Variants in CD300C observed in about 807,000 individuals in gnomAD.
CD300C encodes CD300c molecule, also known as CMRF35-like molecule 6.
CD300C carries 11 observed loss-of-function variants against 18.4 expected under a neutral mutation model. The ratio of observed to expected loss-of-function variants is 0.60; its 90% confidence interval spans 0.38 to 0.99. The LOEUF is 0.99. Ranked by LOEUF, CD300C falls within the 50% of genes least tolerant of loss-of-function variation. The pLI, the probability that CD300C is intolerant of heterozygous loss-of-function variation, is 0.01. For synonymous variants in CD300C, 116 were observed against 116.3 expected, an observed-to-expected ratio of 1.00 and a Z score of 0.02; for missense variants, 277 against 287.4, an observed-to-expected ratio of 0.96 and a Z score of 0.26.
Position 74,541,795 on chromosome 17 carries a change from C to T in CD300C, c.528-59G>A, listed in dbSNP as rs1180166098. The T allele has an allele frequency of 2.6e-5, 40 of 1,557,200 alleles. 1 individual carries two copies. The Admixed American group carries it at 7.7e-4, about 30-fold the overall frequency. ...TCCCCAGGGGAGGCCCAGGTGCCCT[C>T]CACCATCCCCTGACCCTTGTGTCCC... On this transcript the variant is annotated intron_variant, in intron 3 of 3. Coordinates refer to ENST00000330793, the MANE Select transcript of CD300C (RefSeq NM_006678.5).
rs773531056 is a variant in CD300C, at chr17:74,541,576, T to C, written c.*13A>G. 15 of 1,597,930 alleles carry C rather than the reference T, an allele frequency of 9.4e-6. No homozygotes were observed. Among genetic ancestry groups the C allele is most frequent in the Middle Eastern group, 1.7e-4 (1 of 6,016 alleles). On this transcript the variant is annotated 3_prime_UTR_variant, in exon 4 of 4. Coordinates refer to ENST00000330793, the MANE Select transcript of CD300C (RefSeq NM_006678.5). ...GCTCTGTTGCAGCACAGGGCCTTGA[T>C]GGACAGCAGATGCTACTGGTTCTCA...
At chr17:74,540,541 G>A (rs867303430), downstream of CD300C, among the ~76,000 whole-genome samples, 2 of 152,146 alleles carry the variant, frequency 1.3e-5, no homozygotes, top group Non-Finnish European at 2.9e-5. Context: ...TGGAAAAAAG[G>A]GTTAAGAACC....
At chr17:74,543,047 C>A (rs1436747100) in intron 2 of CD300C, 60 bp from the exon 3 acceptor site, 7 of 1,601,436 alleles carry the variant, frequency 4.4e-6, no homozygotes, top group Non-Finnish European at 5.1e-6. Flanking sequence ...CTTACTCTCA[C>A]CTGTTCTGCT....
rs1908749646 is a variant in CD300C, at chr17:74,546,037, G to A, written c.-255C>T. On this transcript the variant is annotated 5_prime_UTR_variant, in exon 1 of 4. Coordinates refer to ENST00000330793, the MANE Select transcript of CD300C (RefSeq NM_006678.5). The stretch of plus-strand genomic sequence containing the variant: ...CCTCTCAACCCTGACGTCTGGCAAA[G>A]TCCAGGGTCCCTTGGGTGGCGATGC... 2 of 467,892 alleles carry A rather than the reference G, an allele frequency of 4.3e-6. No individual in the cohort carries two copies. The highest frequency in any genetic ancestry group is 7.8e-6 in the Non-Finnish European group (2 of 255,690). 29.0% of individuals were successfully genotyped at this position (467,892 alleles called of 1,614,324 possible). A position where few individuals can be genotyped will look rare whatever the true frequency, so the allele number is the denominator to read the frequency against.
rs753270529 is a variant in CD300C, at chr17:74,541,616, C to G, written c.648G>C (p.Gln216His). ...NRPQRSSRSR[Q>H]NWPKGENQ ...ACTGGTTCTCACCCTTGGGCCAATTCTGCCTGCTTCTAGAGCTTCTCTGAG... is the reference window on the plus strand; with the variant it reads ...ACTGGTTCTCACCCTTGGGCCAATTGTGCCTGCTTCTAGAGCTTCTCTGAG... Residue 216 changes from glutamine to histidine, a missense_variant, in exon 4 of 4, where the codon CAG becomes CAC. Coordinates refer to ENST00000330793, the MANE Select transcript of CD300C (RefSeq NM_006678.5). 3.7e-6 allele frequency: 6 copies of G among 1,614,008 alleles called. 1 individual carries two copies. In the East Asian group the frequency reaches 1.3e-4, roughly 36 times the overall value.
chr17:74,543,185 G>A (rs546478942), intron 2 of CD300C, among the ~76,000 whole-genome samples, 198 bp from the exon 3 acceptor site: 3 of 152,360 alleles, frequency 2.0e-5, no homozygotes, highest in African/African-American at 4.8e-5. Flanking sequence ...AGGTACTGCA[G>A]AGCCAGGACA....
downstream of CD300C, among the ~76,000 whole-genome samples, chr17:74,536,624 C>CA (rs567965232): frequency 1.7e-3 from 251 of 151,176 alleles, no homozygotes; most frequent in African/African-American, 5.9e-3. Context: ...TTCAGATAAC[C>CA]AAAAAACACA....
rs771115057 is a variant in CD300C, at chr17:74,545,801, A to G, written c.-19T>C. On this transcript the variant is annotated 5_prime_UTR_variant, in exon 1 of 4. Coordinates refer to ENST00000330793, the MANE Select transcript of CD300C (RefSeq NM_006678.5). ...CAGTCATTCCTGTAACACGAATGTC[A>G]CCTGCCACTGTGCAAGACCCCAGGA... The G allele has an allele frequency of 5.7e-6, 9 of 1,582,520 alleles. No individual in the cohort carries two copies. The highest frequency in any genetic ancestry group is 7.7e-6 in the Non-Finnish European group (9 of 1,164,570).
downstream of CD300C, among the ~76,000 whole-genome samples, chr17:74,537,164 GAGAA>G (rs1042164257): frequency 6.6e-6 from 1 of 151,886 alleles, no homozygotes; most frequent in African/African-American, 2.4e-5. Flanking sequence ...GAAGACGAGA[GAGAA>G]AGGATAGAGA....
rs1908685763 is a variant in CD300C at position 74,544,661 on chromosome 17, C to G, written c.348G>C (p.Trp116Cys). ...GTYWCGVDTP[W>C]LRDFHDPIVE... ...CAATGGGATCATGAAAGTCTCGGAG[C>G]CACGGTGTATCCACCCCACACCAGT... The change falls in exon 2 of 4, where the codon TGG (tryptophan) becomes TGC (cysteine). Residue 116 changes from tryptophan (W) to cysteine (C), a missense_variant. Physicochemically the swap from Trp to Cys is radical, Grantham distance 215. Coordinates refer to ENST00000330793, the MANE Select transcript of CD300C (RefSeq NM_006678.5). 4.3e-6 allele frequency: 7 copies of G among 1,614,014 alleles called. No homozygotes were observed. The highest frequency in any genetic ancestry group is 1.7e-5 in the Admixed American group (1 of 60,010).
At chr17:74,539,928 T>C (rs545184047), downstream of CD300C, among the ~76,000 whole-genome samples, 111 of 152,360 alleles carry the variant, frequency 7.3e-4, 1 homozygote, top group South Asian at 6.2e-4. Context: ...GCTGTCATCC[T>C]GGGGTCTGCC....
chr17:74,535,097 C>T, the CD300C span, among the ~76,000 whole-genome samples: 1 of 152,086 alleles, frequency 6.6e-6, no homozygotes, highest in African/African-American at 2.4e-5. Context: ...TGCAGAGTTG[C>T]TAAATATATA....
chr17:74,545,742 A>G lies in CD300C; in HGVS notation c.41T>C (p.Leu14Pro). 1 of 1,609,682 alleles carries G rather than the reference A, an allele frequency of 6.2e-7. No individual in the cohort carries two copies. The highest frequency in any genetic ancestry group is 1.3e-5 in the African/African-American group (1 of 75,010). ...RAWASWRSSA[L>P]LLLLVPGYFP... ...CTCACCTGGGACAAGCAGGAGGAGC[A>G]GAGCTGAAGACCGCCACGAGGCCCA... is the stretch of plus-strand genomic sequence containing the variant. The change falls in exon 1 of 4, where the codon CTG becomes CCG. Residue 14 changes from leucine (L) to proline (P), a missense_variant. Leu to Pro is a moderately conservative substitution (Grantham distance 98, BLOSUM62 -3). Coordinates refer to ENST00000330793, the MANE Select transcript of CD300C (RefSeq NM_006678.5).
chr17:74,545,335 T>C (rs112768833), intron 1 of CD300C, among the ~76,000 whole-genome samples: 2,556 of 151,362 alleles, frequency 0.017, 77 homozygotes, highest in African/African-American at 0.058. Flanking sequence ...ACTGTGTGCA[T>C]GTGTGTGTGA....
At chr17:74,539,524 C>T (rs1203733151), downstream of CD300C, among the ~76,000 whole-genome samples, 2 of 152,182 alleles carry the variant, frequency 1.3e-5, no homozygotes, top group East Asian at 3.9e-4. Flanking sequence ...ACACACACGG[C>T]CCTGGGGAGG....
In CD300C at chr17:74,544,767, C is replaced by G; in HGVS notation, c.242G>C (p.Arg81Pro). 1 of 1,614,244 alleles carries G rather than the reference C, an allele frequency of 6.2e-7. No homozygotes were observed. Among genetic ancestry groups the G allele is most frequent in the Non-Finnish European group, 8.5e-7 (1 of 1,180,038 alleles). The change falls in exon 2 of 4, where the codon CGA (arginine) becomes CCA (proline). Residue 81 changes from arginine (R) to proline (P), a missense_variant. Physicochemically the swap from Arg to Pro is moderately radical, Grantham distance 103 (BLOSUM62 -2). Transcript: ENST00000330793. ...TGCAGGACTGTCCCTGATGGACACT[C>G]GGCCATTCCTTTTCCCTGCTGACCC... ...TKGSAGKRNG[R>P]VSIRDSPANL...
chr17:74,542,596 T>C (rs1488092756), intron 3 of CD300C, among the ~76,000 whole-genome samples: 1 of 152,264 alleles, frequency 6.6e-6, no homozygotes, highest in Non-Finnish European at 1.5e-5. Context: ...TTGCTGTATT[T>C]GTACATCAGC....
Position 74,544,946 on chromosome 17 carries a change from G to A in CD300C, c.63C>T (p.Gly21=), listed in dbSNP as rs768596253. ...SSALLLLLVP[G]YFPLSHPMTV... ...TCATGGGGTGGCTCAGAGGAAAATA[G>A]CCTGAAAAATACAAGCCAAAATCCT... The change falls in exon 2 of 4, where the codon GGC becomes GGT. Residue 21 remains glycine (G), a splice_region_variant and synonymous_variant. Transcript: ENST00000330793. 2 of 1,604,884 alleles carry A rather than the reference G, an allele frequency of 1.2e-6. No individual in the cohort carries two copies. The highest frequency in any genetic ancestry group is 1.1e-5 in the South Asian group (1 of 89,876).
At position 74,544,607 on chromosome 17, in the gene CD300C, A is replaced by C; in HGVS notation, c.400+2T>G. ...CTGGTGCTGAGAAAAGGAGGGGCTC[A>C]CCCGGGAACACGGACACCTCAACCT... On this transcript the variant is annotated splice_donor_variant, in intron 2 of 3. Transcript: ENST00000330793. LOFTEE classifies it high-confidence loss of function. 6.2e-6 allele frequency: 10 copies of C among 1,606,802 alleles called. No individual in the cohort carries two copies. Among genetic ancestry groups the C allele is most frequent in the Non-Finnish European group, 8.5e-6 (10 of 1,174,474 alleles).
Sources: allele counts gnomAD v4.1 joint callset (sites outside exome capture counted in the v4.1 genomes callset), GRCh38; gene constraint gnomAD v4.1.1; transcripts MANE v1.5; gene names NCBI Gene and HGNC (gene_info 2026-07-23, HGNC 2026-07-21).